Variants in ATP6V1D observed in about 807,000 individuals in gnomAD.
The protein encoded by ATP6V1D is V-type proton ATPase subunit D.
ATP6V1D carries 20 observed loss-of-function variants against 39.4 expected under a neutral mutation model. The observed-to-expected ratio is 0.51, with a 90% CI of 0.36 to 0.74. The LOEUF is 0.74. ATP6V1D is among the 30% of genes least tolerant of loss of function. The pLI is 0.00. For synonymous variants in ATP6V1D, 100 were observed against 100.5 expected (o/e 0.99, Z 0.03); for missense variants, 228 against 291.6 (o/e 0.78, Z 1.59).
Position 67,359,733 on chromosome 14 carries a change from G to A in ATP6V1D, c.-35C>T, listed in dbSNP as rs374956176. On this transcript the variant is annotated 5_prime_UTR_variant, in exon 1 of 9. Coordinates refer to ENST00000216442, the MANE Select transcript of ATP6V1D (RefSeq NM_015994.4). ...AACTTTTCGGCTCGGGTCCCCGGCC[G>A]GGCAACCGAGGCTGCAATAGCTCCA... The A allele has an allele frequency of 1.1e-5, 18 of 1,612,946 alleles. No individual in the cohort carries two copies. Among genetic ancestry groups the A allele is most frequent in the Non-Finnish European group, 1.4e-5 (16 of 1,179,814 alleles).
chr14:67,355,531 TA>T (rs1240481204), intron 1 of ATP6V1D, among the ~76,000 whole-genome samples: 2 of 131,606 alleles, frequency 1.5e-5, no homozygotes, highest in Non-Finnish European at 3.2e-5. Flanking sequence ...ACAATAAAAT[TA>T]AAATAAGGAA....
intron 1 of ATP6V1D, among the ~76,000 whole-genome samples, chr14:67,354,306 T>C (rs2085672292): frequency 6.6e-6 from 1 of 152,344 alleles, no homozygotes; most frequent in Middle Eastern, 3.4e-3. Context: ...GATGCCAACA[T>C]AGTTTAAATA....
intron 2 of ATP6V1D, among the ~76,000 whole-genome samples, chr14:67,352,056 G>A (rs1020855917): frequency 9.9e-5 from 15 of 151,834 alleles, no homozygotes; most frequent in Admixed American, 8.5e-4. Context: ...AGGATGAGGT[G>A]GAATGATCAC....
At chr14:67,351,651 G>A (rs1025974841) in intron 2 of ATP6V1D, among the ~76,000 whole-genome samples, 1 of 151,964 alleles carries the variant, frequency 6.6e-6, no homozygotes, top group Non-Finnish European at 1.5e-5. Flanking sequence ...TGGGACTACA[G>A]GTGCATGCCA....
At chr14:67,339,853 C>T (rs2085566238) in intron 8 of ATP6V1D, among the ~76,000 whole-genome samples, 1 of 152,090 alleles carries the variant, frequency 6.6e-6, no homozygotes, top group Admixed American at 6.5e-5. Flanking sequence ...AATCCCAGCA[C>T]TTTGGCAGGC....
intron 1 of ATP6V1D, among the ~76,000 whole-genome samples, chr14:67,357,561 A>G (rs1303455905): frequency 6.6e-6 from 1 of 152,198 alleles, no homozygotes; most frequent in African/African-American, 2.4e-5. Context: ...TCTTAGTCTC[A>G]AAGTAAAAGT....
At chr14:67,342,217 A>ATT (rs1555343495) in intron 7 of ATP6V1D, among the ~76,000 whole-genome samples, 27 of 116,072 alleles carry the variant, frequency 2.3e-4, no homozygotes, top group African/African-American at 1.2e-3. Flanking sequence ...AATAAATAAA[A>ATT]TAAAATAAAA....
At chr14:67,341,203 G>A (rs1455064837) in intron 7 of ATP6V1D, among the ~76,000 whole-genome samples, 1 of 151,894 alleles carries the variant, frequency 6.6e-6, no homozygotes, top group Admixed American at 6.6e-5. Context: ...GTCTGTGACT[G>A]GCCGCCATCC....
intron 6 of ATP6V1D, 95 bp from the exon 7 acceptor site, chr14:67,343,533 T>G (rs1430163000): frequency 1.1e-6 from 1 of 892,698 alleles, no homozygotes; most frequent in African/African-American, 1.7e-5. Flanking sequence ...TAGAAAACAT[T>G]TGAGAACCAA....
chr14:67,358,404 C>G (rs968815764), intron 1 of ATP6V1D, among the ~76,000 whole-genome samples: 2 of 152,200 alleles, frequency 1.3e-5, no homozygotes, highest in African/African-American at 2.4e-5. Flanking sequence ...TTGAATATAA[C>G]TTTTATTTTA....
In ATP6V1D at chr14:67,346,891, T is replaced by C. The variant is rs149789784; in HGVS notation, c.352+518A>G. Among the ~76,000 whole-genome samples, 122 of 152,362 alleles carry C rather than the reference T, an allele frequency of 8.0e-4. 2 individuals are homozygous for C. In the East Asian group the frequency reaches 0.022, roughly 28 times the overall value. ...GTGAATTCATATTCAAAAGGCCTTA[T>C]ATTTTTTAAATAGCAAGTGATTCTA... On this transcript the variant is annotated intron_variant, in intron 5 of 8. Coordinates refer to ENST00000216442, the MANE Select transcript of ATP6V1D (RefSeq NM_015994.4).
rs537737747 is a variant in ATP6V1D, at chr14:67,358,601, G to A, written c.41+1057C>T. On this transcript the variant is annotated intron_variant, in intron 1 of 8. Transcript: ENST00000216442. ...TATAATCTCAGCCGCCAGGGAGGCT[G>A]AGGCCGGAGGATCACTTGAGCCCAG... Among the ~76,000 whole-genome samples, 419 of 152,298 alleles carry A rather than the reference G, an allele frequency of 2.8e-3. 2 individuals carry two copies. Among genetic ancestry groups the A allele is most frequent in the Non-Finnish European group, 4.2e-3 (283 of 68,014 alleles).
At chr14:67,355,876 G>T (rs72717399) in intron 1 of ATP6V1D, among the ~76,000 whole-genome samples, 1 of 151,840 alleles carries the variant, frequency 6.6e-6, no homozygotes, top group Non-Finnish European at 1.5e-5. Flanking sequence ...AGGGCACACC[G>T]GTAATCCCAT....
At chr14:67,345,566 A>G (rs1357445950) in intron 6 of ATP6V1D, among the ~76,000 whole-genome samples, 1 of 152,216 alleles carries the variant, frequency 6.6e-6, no homozygotes, top group African/African-American at 2.4e-5. Context: ...AAAAAAATAA[A>G]AAATACATAA....
intron 1 of ATP6V1D, among the ~76,000 whole-genome samples, chr14:67,356,710 T>C (rs978034992): frequency 6.6e-6 from 1 of 152,208 alleles, no homozygotes; most frequent in Non-Finnish European, 1.5e-5. Flanking sequence ...ACGTTCACTG[T>C]ACCCCAAACA....
chr14:67,347,912 CCTT>C (rs1360112464), intron 4 of ATP6V1D, among the ~76,000 whole-genome samples: 1 of 117,230 alleles, frequency 8.5e-6, no homozygotes, highest in Non-Finnish European at 1.6e-5. Context: ...TAGGAACTTG[CCTT>C]CTTTTTTTTT....
intron 7 of ATP6V1D, among the ~76,000 whole-genome samples, chr14:67,341,052 G>A (rs764797175): frequency 3.3e-5 from 5 of 152,172 alleles, no homozygotes; most frequent in Non-Finnish European, 7.4e-5. Flanking sequence ...CGCCTGCCTT[G>A]GCCTCCCAAA....
chr14:67,359,140 A>C (rs1328999493), intron 1 of ATP6V1D, among the ~76,000 whole-genome samples: 1 of 152,192 alleles, frequency 6.6e-6, no homozygotes, highest in Non-Finnish European at 1.5e-5. Flanking sequence ...AAAATGAGTA[A>C]GGGGATCCAA....
At chr14:67,351,961 T>C (rs914463157) in intron 2 of ATP6V1D, among the ~76,000 whole-genome samples, 12 of 130,694 alleles carry the variant, frequency 9.2e-5, no homozygotes, top group Non-Finnish European at 1.7e-4. Context: ...TCAATAAGCA[T>C]GAAAAGCTCC....
Sources: gnomAD v4.1 joint callset for allele counts (sites outside exome capture counted in the v4.1 genomes callset) on GRCh38, gnomAD v4.1.1 for gene constraint, MANE v1.5 for transcripts, NCBI Gene and HGNC (gene_info 2026-07-23, HGNC 2026-07-21) for gene names.